Variants in SNX14 observed in about 807,000 individuals in gnomAD.
SNX14 encodes sorting nexin-14.
In SNX14, 93 loss-of-function variants were observed where a neutral mutation model predicts 133.8. That is an observed-to-expected ratio of 0.70 (90% CI 0.59 to 0.83). The LOEUF is 0.83. SNX14 is among the 40% of genes least tolerant of loss of function. The pLI is 0.00. For synonymous variants in SNX14, 368 were observed against 365.6 expected, an observed-to-expected ratio of 1.01 and a Z score of -0.07; for missense variants, 945 against 1,094.9, an observed-to-expected ratio of 0.86 and a Z score of 1.93.
At chr6:85,519,947 G>T (rs1189793609) in intron 21 of SNX14, among the ~76,000 whole-genome samples, 1 of 152,008 alleles carries the variant, frequency 6.6e-6, no homozygotes, top group Non-Finnish European at 1.5e-5. Flanking sequence ...GTGAGACTCT[G>T]TCTCTAAAAA....
At chr6:85,542,374 G>C (rs1784030055) in intron 14 of SNX14, among the ~76,000 whole-genome samples, 1 of 152,078 alleles carries the variant, frequency 6.6e-6, no homozygotes, top group Non-Finnish European at 1.5e-5. Context: ...AATTGTTTTT[G>C]CAATTATTAT....
chr6:85,544,912 T>C (rs988317773), intron 12 of SNX14, among the ~76,000 whole-genome samples: 2 of 152,208 alleles, frequency 1.3e-5, no homozygotes, highest in African/African-American at 4.8e-5. Flanking sequence ...ATGCCAATAA[T>C]TGTAAGAACC....
At chr6:85,507,382 C>T in intron 27 of SNX14, 93 bp from the exon 28 acceptor site, 7 of 1,044,652 alleles carry the variant, frequency 6.7e-6, no homozygotes, top group East Asian at 2.5e-5. Context: ...TTGTGGTTAC[C>T]TCTAAGTGGG....
chr6:85,542,350 GT>G (rs1423617682), intron 14 of SNX14, among the ~76,000 whole-genome samples: 1 of 151,984 alleles, frequency 6.6e-6, no homozygotes, highest in African/African-American at 2.4e-5. Flanking sequence ...ATATAAACAG[GT>G]TTTGGTATTG....
Position 85,536,864 on chromosome 6 carries a change from T to C in SNX14, c.1536A>G (p.Gly512=). The C allele has an allele frequency of 3.1e-6, 5 of 1,613,520 alleles. No homozygotes were observed. The highest frequency in any genetic ancestry group is 3.4e-6 in the Non-Finnish European group (4 of 1,179,716). ...CCTCCATTGTGGTACTTTTGAATAC[T>C]CCTTTAATTTTGCTACCTATTCTGC... ...GISRIGSKIK[G]VFKSTTMEGA... Residue 512 remains glycine, a synonymous_variant, in exon 17 of 29, where the codon GGA becomes GGG. Transcript: ENST00000314673.
intron 7 of SNX14, among the ~76,000 whole-genome samples, chr6:85,552,996 G>A (rs555579313): frequency 1.3e-5 from 2 of 152,284 alleles, no homozygotes; most frequent in East Asian, 3.9e-4. Context: ...AACCCTTCAT[G>A]TACTGACTTA....
At chr6:85,549,670 T>A in intron 8 of SNX14, 53 bp downstream of exon 8, 2 of 1,476,704 alleles carry the variant, frequency 1.4e-6, no homozygotes, top group Non-Finnish European at 1.8e-6. Context: ...AAAATAGCAA[T>A]ATACATATGG....
chr6:85,510,956 C>T (rs1443003774), intron 26 of SNX14, among the ~76,000 whole-genome samples: 2 of 152,168 alleles, frequency 1.3e-5, no homozygotes, highest in East Asian at 3.8e-4. Context: ...TCAATACCCA[C>T]AAAACAACTT....
intron 21 of SNX14, among the ~76,000 whole-genome samples, chr6:85,520,486 T>C (rs1268022566): frequency 6.6e-6 from 1 of 151,750 alleles, no homozygotes; most frequent in East Asian, 1.9e-4. Context: ...GCCTCTTGAG[T>C]AGCTGGGACT....
intron 18 of SNX14, 49 bp downstream of exon 18, chr6:85,533,550 G>A: frequency 6.4e-7 from 1 of 1,554,106 alleles, no homozygotes; most frequent in South Asian, 1.2e-5. Flanking sequence ...GATAACAACA[G>A]ACTCATTCAT....
intron 26 of SNX14, among the ~76,000 whole-genome samples, chr6:85,511,099 G>GTT (rs1403213928): frequency 6.6e-6 from 1 of 152,124 alleles, no homozygotes; most frequent in Non-Finnish European, 1.5e-5. Flanking sequence ...TTTAATTAAA[G>GTT]TTTTACAATT....
rs376041784 is a variant in SNX14 at position 85,549,098 on chromosome 6, T to C, written c.791+625A>G. Among the ~76,000 whole-genome samples, 48 of 152,134 alleles carry C rather than the reference T, an allele frequency of 3.2e-4. 2 individuals carry two copies. The South Asian group carries it at 1.0e-2, about 32-fold the overall frequency. On this transcript the variant is annotated intron_variant, in intron 8 of 28. Transcript: ENST00000314673. ...TCATATTTACTATTATAAACTAGTCTAGTATAAAAATCATGTAATCAAAAT... is the reference window on the plus strand; with the variant it reads ...TCATATTTACTATTATAAACTAGTCCAGTATAAAAATCATGTAATCAAAAT...
At chr6:85,530,306 CAAATA>C (rs1391796144) in intron 18 of SNX14, 31 bp from the exon 19 acceptor site, 1 of 1,307,152 alleles carries the variant, frequency 7.7e-7, no homozygotes, top group Non-Finnish European at 1.1e-6. Flanking sequence ...CACTGAGTAA[CAAATA>C]ATTTCAAAAC....
chr6:85,570,207 T>C (rs1795109482), intron 4 of SNX14, among the ~76,000 whole-genome samples: 1 of 152,258 alleles, frequency 6.6e-6, no homozygotes, highest in Non-Finnish European at 1.5e-5. Flanking sequence ...CACTAGGGCC[T>C]AGCCCAGTTC....
At chr6:85,571,328 C>G (rs913328138) in intron 4 of SNX14, among the ~76,000 whole-genome samples, 1 of 150,152 alleles carries the variant, frequency 6.7e-6, no homozygotes, top group Non-Finnish European at 1.5e-5. Context: ...CCACTGCACT[C>G]CGGCCTGGGT....
intron 18 of SNX14, among the ~76,000 whole-genome samples, chr6:85,533,302 C>T (rs1266585784): frequency 1.3e-5 from 2 of 152,196 alleles, no homozygotes; most frequent in African/African-American, 2.4e-5. Context: ...TAAGTAAGTG[C>T]AATGGCTAAT....
intron 1 of SNX14, among the ~76,000 whole-genome samples, chr6:85,585,791 T>G (rs1800637954): frequency 6.6e-6 from 1 of 152,160 alleles, no homozygotes; most frequent in Non-Finnish European, 1.5e-5. Flanking sequence ...AATAACCATG[T>G]TGTAACCCAT....
chr6:85,591,872 G>A (rs913717866), intron 1 of SNX14, among the ~76,000 whole-genome samples: 3 of 152,118 alleles, frequency 2.0e-5, no homozygotes, highest in African/African-American at 7.2e-5. Context: ...AAGTAGCCGG[G>A]CATGGTGGTG....
chr6:85,513,511 C>A (rs1773684056), intron 26 of SNX14, among the ~76,000 whole-genome samples: 1 of 152,132 alleles, frequency 6.6e-6, no homozygotes. Flanking sequence ...TGGACACAGG[C>A]CTTCAATTGT....
Sources: allele counts gnomAD v4.1 joint callset (sites outside exome capture counted in the v4.1 genomes callset), GRCh38; gene constraint gnomAD v4.1.1; transcripts MANE v1.5; gene names NCBI Gene and HGNC (gene_info 2026-07-23, HGNC 2026-07-21).